ANO2: variants seen among roughly 807,000 people sequenced by gnomAD.
ANO2 encodes anoctamin 2.
Under a neutral mutation model 124.2 loss-of-function variants are expected in ANO2, and 101 were observed. The ratio of observed to expected loss-of-function variants is 0.81; its 90% CI spans 0.69 to 0.96. ANO2 has a LOEUF of 0.96. ANO2 is among the 40% of genes least tolerant of loss of function. ANO2 has a pLI of 0.00. For missense variants in ANO2, 1,293 were observed against 1,274.5 expected (o/e 1.01, Z -0.22); for synonymous variants, 486 against 482.5 (o/e 1.01, Z -0.09).
intron 14 of ANO2, among the ~76,000 whole-genome samples, chr12:5,725,906 G>T (rs12582203): frequency 0.13 from 19,539 of 152,040 alleles, 1,568 homozygotes; most frequent in African/African-American, 0.23. Flanking sequence ...TTTATTGGAA[G>T]CAAAGGAGGC....
At chr12:5,582,074 T>A (rs1213966585) in intron 20 of ANO2, among the ~76,000 whole-genome samples, 1 of 152,242 alleles carries the variant, frequency 6.6e-6, no homozygotes, top group African/African-American at 2.4e-5. Context: ...GATACAATGA[T>A]ACCGGCTTTT....
Position 5,582,355 on chromosome 12 carries a change from G to A in ANO2, c.2234-3837C>T, listed in dbSNP as rs1030289129. On this transcript the variant is annotated intron_variant, in intron 20 of 24. Transcript: ENST00000682330. The stretch of plus-strand genomic sequence containing the variant: ...GGTTTTCTCTTCTCACCCTTCAGCA[G>A]CCAAGGATCTTCTAGAATAACCATC... Among the ~76,000 whole-genome samples, 3 of 152,208 alleles carry A rather than the reference G, an allele frequency of 2.0e-5. No individual in the cohort carries two copies. In the East Asian group the frequency reaches 5.8e-4, roughly 29 times the overall value.
At chr12:5,775,300 A>G (rs12318723) in intron 10 of ANO2, among the ~76,000 whole-genome samples, 22,364 of 151,924 alleles carry the variant, frequency 0.15, 1,788 homozygotes, top group African/African-American at 0.21. Flanking sequence ...GAGAGAGAGA[A>G]AAATTCTACA....
Position 5,755,112 on chromosome 12 carries a change from A to G in ANO2, c.1056-4142T>C, listed in dbSNP as rs140437241. Among the ~76,000 whole-genome samples the G allele has an allele frequency of 3.6e-3, 540 of 151,770 alleles. 7 individuals carry two copies. Among genetic ancestry groups the G allele is most frequent in the African/African-American group, 0.012 (516 of 41,454 alleles). On this transcript the variant is annotated intron_variant, in intron 10 of 24. Coordinates refer to ENST00000682330, the MANE Select transcript of ANO2 (RefSeq NM_001364791.2). ...TTTAATATGTTGTGCTTTCATTTTC[A>G]TTTGTCTTGAGATATTTTCTAATTT...
At position 5,897,849 on chromosome 12, in the gene ANO2, AT is replaced by A. The variant is rs576447120; in HGVS notation, c.534+23190del. On this transcript the variant is annotated intron_variant, in intron 3 of 24. Transcript: ENST00000682330. ...ATATTCTTAGCTTGGATAGGTGATA[AT>A]TTCTTAAACAGAATACAAAAAGCAC... is the stretch of plus-strand genomic sequence containing the variant. Among the ~76,000 whole-genome samples, 9 of 152,332 alleles carry A rather than the reference AT, an allele frequency of 5.9e-5. No individual in the cohort carries two copies. The South Asian group carries it at 1.0e-3, about 18-fold the overall frequency.
chr12:5,838,657 T>A (rs1235353536), intron 4 of ANO2, among the ~76,000 whole-genome samples: 1 of 152,162 alleles, frequency 6.6e-6, no homozygotes, highest in Non-Finnish European at 1.5e-5. Context: ...GTGCCAACCC[T>A]CCCAGGAGCC....
chr12:5,618,094 C>T (rs1471199491), intron 16 of ANO2, among the ~76,000 whole-genome samples: 3 of 152,102 alleles, frequency 2.0e-5, no homozygotes, highest in African/African-American at 7.2e-5. Context: ...GGGTTCAGTC[C>T]CACTGGAGAC....
Position 5,787,907 on chromosome 12 carries a change from G to A in ANO2, c.1055+11600C>T, listed in dbSNP as rs769269224. ...ACCCAGCTGGACCATAGGTCCAGACGTGCCCGAAACAGTCCCACCTTTTAC... is the reference window on the plus strand; with the variant it reads ...ACCCAGCTGGACCATAGGTCCAGACATGCCCGAAACAGTCCCACCTTTTAC... On this transcript the variant is annotated intron_variant, in intron 10 of 24. Coordinates refer to ENST00000682330, the MANE Select transcript of ANO2 (RefSeq NM_001364791.2). The surrounding 1 kb of genome is among the most constrained non-coding windows in gnomAD (Gnocchi z 4.2). Among the ~76,000 whole-genome samples the A allele has an allele frequency of 2.0e-5, 3 of 152,158 alleles. No homozygotes were observed. Among genetic ancestry groups the A allele is most frequent in the Non-Finnish European group, 4.4e-5 (3 of 68,032 alleles).
At chr12:5,686,529 A>T (rs550539447) in intron 14 of ANO2, among the ~76,000 whole-genome samples, 1 of 152,344 alleles carries the variant, frequency 6.6e-6, no homozygotes, top group South Asian at 2.1e-4. Flanking sequence ...GCTGTCACTC[A>T]TCATAAAATA....
chr12:5,628,386 C>T (rs933484921), intron 16 of ANO2, among the ~76,000 whole-genome samples: 1 of 152,196 alleles, frequency 6.6e-6, no homozygotes, highest in African/African-American at 2.4e-5. Context: ...TGTGGTGTTT[C>T]CTGTTGCTCT....
intron 19 of ANO2, among the ~76,000 whole-genome samples, chr12:5,603,944 CAAAAA>C (rs63415160): frequency 1.5e-4 from 11 of 74,142 alleles, no homozygotes; most frequent in African/African-American, 2.9e-4. Context: ...GATTCCGTCT[CAAAAA>C]AAAAAAAAAA....
chr12:5,676,421 A>C (rs1409341307), intron 14 of ANO2, among the ~76,000 whole-genome samples: 1 of 152,190 alleles, frequency 6.6e-6, no homozygotes, highest in Non-Finnish European at 1.5e-5. Context: ...CTCCCTGTTC[A>C]CAATAATTAT....
At chr12:5,703,719 A>T (rs1195523164) in intron 14 of ANO2, among the ~76,000 whole-genome samples, 2 of 151,912 alleles carry the variant, frequency 1.3e-5, no homozygotes, top group Non-Finnish European at 2.9e-5. Context: ...GCTAGTTTTT[A>T]AAATTTTTTT....
rs548925518 is a variant in ANO2 at position 5,768,679 on chromosome 12, G to A, written c.1056-17709C>T. 9.2e-5 allele frequency among the ~76,000 whole-genome samples: 14 copies of A among 152,190 alleles called. No individual in the cohort carries two copies. The South Asian group carries it at 1.2e-3, about 14-fold the overall frequency. ...CCTTCTCATCACCAGCCTGGCCACCGAGGGACTGACCCATGCCTGTACGGT... is the reference window on the plus strand; with the variant it reads ...CCTTCTCATCACCAGCCTGGCCACCAAGGGACTGACCCATGCCTGTACGGT... On this transcript the variant is annotated intron_variant, in intron 10 of 24. Coordinates refer to ENST00000682330, the MANE Select transcript of ANO2 (RefSeq NM_001364791.2).
At chr12:5,859,068 G>A (rs56762754) in intron 3 of ANO2, among the ~76,000 whole-genome samples, 2,639 of 152,326 alleles carry the variant, frequency 0.017, 69 homozygotes, top group African/African-American at 0.056. Flanking sequence ...AACACAACAT[G>A]AAGAGATTAG....
intron 14 of ANO2, among the ~76,000 whole-genome samples, chr12:5,670,631 G>A (rs1947951347): frequency 6.6e-6 from 1 of 152,104 alleles, no homozygotes; most frequent in Non-Finnish European, 1.5e-5. Context: ...AACTTTTGGA[G>A]CCAGTTAATC....
chr12:5,612,754 A>G lies in ANO2; in HGVS notation c.1989T>C (p.Cys663=), dbSNP rs752157353. The change falls in exon 19 of 25, where the codon TGT becomes TGC. Residue 663 remains cysteine (C), a splice_region_variant and synonymous_variant. Transcript: ENST00000682330. ...YVFDGYRMEE[C]APGGCLMELC... ...GCTCCATGAGACAGCCCCCTGGAGC[A>G]CACTGCAGGGAGAAGATAAGGAAAG... The G allele has an allele frequency of 6.2e-7, 1 of 1,613,400 alleles. No homozygotes were observed. Among genetic ancestry groups the G allele is most frequent in the Non-Finnish European group, 8.5e-7 (1 of 1,179,398 alleles).
chr12:5,898,702 A>C (rs1939963789), intron 3 of ANO2, among the ~76,000 whole-genome samples: 1 of 152,220 alleles, frequency 6.6e-6, no homozygotes, highest in African/African-American at 2.4e-5. Flanking sequence ...TGATGCTAGA[A>C]GTCAGAATAG....
intron 3 of ANO2, among the ~76,000 whole-genome samples, chr12:5,891,471 G>C (rs1051584927): frequency 5.3e-5 from 8 of 152,166 alleles, no homozygotes; most frequent in Admixed American, 5.2e-4. Context: ...TAGATTCCAA[G>C]ATTTCTGGCT....
Sources: gnomAD v4.1 joint callset for allele counts (sites outside exome capture counted in the v4.1 genomes callset) on GRCh38, gnomAD v4.1.1 for gene constraint, Gnocchi (gnomAD v3.1) non-coding constraint, MANE v1.5 for transcripts, NCBI Gene and HGNC (gene_info 2026-07-23, HGNC 2026-07-21) for gene names.